Variants in DERA observed in about 807,000 individuals in gnomAD.
DERA encodes the protein deoxyribose-phosphate aldolase, also known as 2-deoxy-D-ribose 5-phosphate aldolase.
In DERA, 15 loss-of-function variants were observed where a neutral mutation model predicts 41.1. The ratio of observed to expected loss-of-function variants is 0.37; its 90% CI spans 0.24 to 0.56. The LOEUF is 0.56. Ranked by LOEUF, DERA falls within the 20% of genes least tolerant of loss-of-function variation. The pLI is 0.81. For synonymous variants in DERA, 139 were observed against 137.4 expected (o/e 1.01, Z -0.08); for missense variants, 396 against 403.4 (o/e 0.98, Z 0.16).
At chr12:15,997,453 T>A (rs1348160249) in intron 6 of DERA, among the ~76,000 whole-genome samples, 1 of 152,180 alleles carries the variant, frequency 6.6e-6, no homozygotes, top group Admixed American at 6.5e-5. Flanking sequence ...TTGCCATCAC[T>A]AGAATAAAGA....
intron 1 of DERA, among the ~76,000 whole-genome samples, chr12:15,956,119 T>C (rs1448712170): frequency 1.3e-5 from 2 of 152,226 alleles, no homozygotes; most frequent in East Asian, 1.9e-4. Flanking sequence ...GTACAACGAA[T>C]GGTTTCACCA....
chr12:15,962,767 C>A, intron 4 of DERA, 46 bp from the exon 5 acceptor site: 1 of 1,437,338 alleles, frequency 7.0e-7, no homozygotes, highest in African/African-American at 1.4e-5. Context: ...TACTTTCTTT[C>A]TTCCCTCCTT....
Position 15,911,591 on chromosome 12 carries a change from G to A in DERA, c.31+177G>A, listed in dbSNP as rs1389784526. 7.0e-6 allele frequency: 5 copies of A among 717,834 alleles called. No individual in the cohort carries two copies. The East Asian group carries it at 8.1e-5, about 12-fold the overall frequency. The allele number at this position is 717,834 out of a possible 1,614,324, so 44.5% of individuals were successfully genotyped here. On this transcript the variant is annotated intron_variant, in intron 1 of 8. Transcript: ENST00000428559. The surrounding 1 kb of genome is among the most constrained non-coding windows in gnomAD (Gnocchi z 4.5). ...CCCAAGTAAAGGCCGAACCCGGCAC[G>A]TTCGCGCCGCTTGTCTTTGCACCTA...
chr12:15,936,906 C>CCG lies in DERA; in HGVS notation c.32-20030_32-20029insCG, dbSNP rs1948370202. On this transcript the variant is annotated intron_variant, in intron 1 of 8. Coordinates refer to ENST00000428559, the MANE Select transcript of DERA (RefSeq NM_015954.4). The surrounding 1 kb of genome is among the most constrained non-coding windows in gnomAD (Gnocchi z 4.6). ...TTGTCTTGTCCTGTCCTGTCCTGTC[C>CCG]TGTCCTGTCCTGTCCTGTCCTGTCC... Among the ~76,000 whole-genome samples, 3 of 138,300 alleles carry CCG rather than the reference C, an allele frequency of 2.2e-5. No homozygotes were observed. The highest frequency in any genetic ancestry group is 7.5e-5 in the Admixed American group (1 of 13,418). The allele number at this position is 138,300 out of a possible 152,430, so 90.7% of individuals were successfully genotyped here.
At position 15,979,294 on chromosome 12, in the gene DERA, T is replaced by TG. The variant is rs567473968; in HGVS notation, c.509-3013dup. Among the ~76,000 whole-genome samples, 10 of 152,342 alleles carry TG rather than the reference T, an allele frequency of 6.6e-5. No individual in the cohort carries two copies. The East Asian group carries it at 1.9e-3, about 29-fold the overall frequency. On this transcript the variant is annotated intron_variant, in intron 5 of 8. Coordinates refer to ENST00000428559, the MANE Select transcript of DERA (RefSeq NM_015954.4). ...AGGAAGAGCTTGGGCCCAGGGCCAC[T>TG]GCTGGTGCTGCTCCTACTGGCCAGC...
intron 1 of DERA, among the ~76,000 whole-genome samples, chr12:15,939,588 TTTC>T (rs1948394951): frequency 6.6e-6 from 1 of 152,134 alleles, no homozygotes; most frequent in Non-Finnish European, 1.5e-5. Flanking sequence ...TCACTAACAG[TTTC>T]AAAAACAAGA....
At chr12:15,997,640 A>G (rs1409342092) in intron 6 of DERA, among the ~76,000 whole-genome samples, 1 of 150,800 alleles carries the variant, frequency 6.6e-6, no homozygotes, top group Non-Finnish European at 1.5e-5. Context: ...GAAATATAGC[A>G]TGGAACTTTT....
chr12:15,958,315 C>T lies in DERA; in HGVS notation c.257C>T (p.Ala86Val). 6.2e-7 allele frequency: 1 copy of T among 1,603,574 alleles called. No individual in the cohort carries two copies. The highest frequency in any genetic ancestry group is 1.1e-5 in the South Asian group (1 of 88,508). The change falls in exon 3 of 9, where the codon GCT becomes GTT. Residue 86 changes from alanine (A) to valine (V), a missense_variant. Coordinates refer to ENST00000428559, the MANE Select transcript of DERA (RefSeq NM_015954.4). ...CCAATCCGGGAAGATCTCTTAAAAG[C>T]TTTAAATATGCATGATAAAGGTAAT... The part of the protein sequence containing the change: ...KYPIREDLLK[A>V]LNMHDKGITT...
intron 1 of DERA, among the ~76,000 whole-genome samples, chr12:15,953,872 C>T (rs563055813): frequency 9.9e-5 from 15 of 152,238 alleles, no homozygotes; most frequent in African/African-American, 2.9e-4. Flanking sequence ...GCTAATAAAA[C>T]GAGATAGTCA....
intron 1 of DERA, among the ~76,000 whole-genome samples, chr12:15,947,889 T>C (rs1481706365): frequency 6.6e-6 from 1 of 152,198 alleles, no homozygotes; most frequent in Non-Finnish European, 1.5e-5. Context: ...CAGGAGCTCT[T>C]TTAGGGCAGG....
At position 15,911,719 on chromosome 12, in the gene DERA, A is replaced by T; in HGVS notation, c.31+305A>T. 1 of 644,812 alleles carries T rather than the reference A, an allele frequency of 1.6e-6. No individual in the cohort carries two copies. Among genetic ancestry groups the T allele is most frequent in the Non-Finnish European group, 2.9e-6 (1 of 348,676 alleles). The allele number at this position is 644,812 out of a possible 1,614,324, so 39.9% of individuals were successfully genotyped here. A position where few individuals can be genotyped will look rare whatever the true frequency, so the allele number is the denominator to read the frequency against. ...GCTGGTTGGAAAACCCAACAACCCA[A>T]AAAACAAAACCCAAAACAAACAACC... On this transcript the variant is annotated intron_variant, in intron 1 of 8. Transcript: ENST00000428559. This position sits in a 1 kb window ranked among gnomAD's most constrained non-coding sequence, Gnocchi z 4.5.
rs1948253627 is a variant in DERA at position 15,922,827 on chromosome 12, G to C, written c.31+11413G>C. 6.6e-6 allele frequency among the ~76,000 whole-genome samples: 1 copy of C among 152,024 alleles called. No homozygotes were observed. The highest frequency in any genetic ancestry group is 2.4e-5 in the African/African-American group (1 of 41,370). ...CAGTACATTGGCTTGTACTTTCCAA[G>C]TCTGTAAAACAGACACACGAGAATG... On this transcript the variant is annotated intron_variant, in intron 1 of 8. Coordinates refer to ENST00000428559, the MANE Select transcript of DERA (RefSeq NM_015954.4). The surrounding 1 kb of genome is among the most constrained non-coding windows in gnomAD (Gnocchi z 4.9).
chr12:16,001,273 G>C lies in DERA; in HGVS notation c.637+18837G>C, dbSNP rs1948873152. On this transcript the variant is annotated intron_variant, in intron 6 of 8. Transcript: ENST00000428559. This position sits in a 1 kb window ranked among gnomAD's most constrained non-coding sequence, Gnocchi z 4.1. ...ATCCTATTTTTTTGTTTGTTTGTTT[G>C]TTTTTAGAAGAAATAAAAAAAACCA... 6.6e-6 allele frequency among the ~76,000 whole-genome samples: 1 copy of C among 151,996 alleles called. No homozygotes were observed.
At position 16,019,958 on chromosome 12, in the gene DERA, C is replaced by T. The variant is rs1949007528; in HGVS notation, c.638-12584C>T. ...TTTTGGTGATGAGTGATTTCTTGCT[C>T]TGAGCTCACATGAGATCTGGTTTTT... On this transcript the variant is annotated intron_variant, in intron 6 of 8. Coordinates refer to ENST00000428559, the MANE Select transcript of DERA (RefSeq NM_015954.4). The surrounding 1 kb of genome is among the most constrained non-coding windows in gnomAD (Gnocchi z 4.4). Among the ~76,000 whole-genome samples, 1 of 152,108 alleles carries T rather than the reference C, an allele frequency of 6.6e-6. No individual in the cohort carries two copies. The highest frequency in any genetic ancestry group is 2.4e-5 in the African/African-American group (1 of 41,400).
chr12:16,036,269 A>G lies in DERA; in HGVS notation c.788A>G (p.Lys263Arg). ...CCAGCAGGAGGCATCCGCAGTGCAA[A>G]GGATTCCCTTGCTTGGCTCTCTCTT... Reference protein sequence around the residue: ...FKPAGGIRSAKDSLAWLSLVK... With the variant: ...FKPAGGIRSARDSLAWLSLVK... The change falls in exon 8 of 9, where the codon AAG becomes AGG. Residue 263 changes from lysine (K) to arginine (R), a missense_variant. Transcript: ENST00000428559. The surrounding 1 kb of genome is among the most constrained non-coding windows in gnomAD (Gnocchi z 4.9). 1 of 1,613,502 alleles carries G rather than the reference A, an allele frequency of 6.2e-7. No individual in the cohort carries two copies. Among genetic ancestry groups the G allele is most frequent in the Non-Finnish European group, 8.5e-7 (1 of 1,179,650 alleles).
rs1435247469 is a variant in DERA at position 15,981,699 on chromosome 12, G to A, written c.509-609G>A. Among the ~76,000 whole-genome samples, 1 of 152,188 alleles carries A rather than the reference G, an allele frequency of 6.6e-6. No homozygotes were observed. Among genetic ancestry groups the A allele is most frequent in the Non-Finnish European group, 1.5e-5 (1 of 68,044 alleles). On this transcript the variant is annotated intron_variant, in intron 5 of 8. Coordinates refer to ENST00000428559, the MANE Select transcript of DERA (RefSeq NM_015954.4). The surrounding 1 kb of genome is among the most constrained non-coding windows in gnomAD (Gnocchi z 6.1). ...TGGGCTCAGGGGTTAACAGATTTAA[G>A]GCAGCATCTCTGAGCCTCCCTGCAG...
At position 15,990,111 on chromosome 12, in the gene DERA, G is replaced by A. The variant is rs760865264; in HGVS notation, c.637+7675G>A. On this transcript the variant is annotated intron_variant, in intron 6 of 8. Coordinates refer to ENST00000428559, the MANE Select transcript of DERA (RefSeq NM_015954.4). This position sits in a 1 kb window ranked among gnomAD's most constrained non-coding sequence, Gnocchi z 4.3. ...AGTATACCTTCCTTCTCCATCCTAC[G>A]TCAATAAGAAAGGAAACATAATGAA... is the stretch of plus-strand genomic sequence containing the variant. 7.2e-5 allele frequency among the ~76,000 whole-genome samples: 11 copies of A among 151,984 alleles called. No individual in the cohort carries two copies. The highest frequency in any genetic ancestry group is 7.4e-5 in the Non-Finnish European group (5 of 67,986).
At chr12:15,963,144 T>C (rs1177006037) in intron 5 of DERA, among the ~76,000 whole-genome samples, 197 bp downstream of exon 5, 1 of 152,232 alleles carries the variant, frequency 6.6e-6, no homozygotes, top group Non-Finnish European at 1.5e-5. Flanking sequence ...CCTACCTACA[T>C]GAACTTTTCA....
At chr12:15,937,872 G>A (rs760432471) in intron 1 of DERA, among the ~76,000 whole-genome samples, 1 of 152,176 alleles carries the variant, frequency 6.6e-6, no homozygotes, top group Non-Finnish European at 1.5e-5. Flanking sequence ...ATTAAGTTAT[G>A]TGTTTTTGTC....
Sources: allele counts gnomAD v4.1 joint callset (sites outside exome capture counted in the v4.1 genomes callset), GRCh38; gene constraint gnomAD v4.1.1; non-coding constraint Gnocchi (gnomAD v3.1); transcripts MANE v1.5; gene names NCBI Gene and HGNC (gene_info 2026-07-23, HGNC 2026-07-21).